YIPF7: variants seen among roughly 807,000 people sequenced by gnomAD.
YIPF7 encodes the protein protein YIPF7.
Under a neutral mutation model 27.2 loss-of-function variants are expected in YIPF7, and 35 were observed. The ratio of observed to expected loss-of-function variants is 1.29; its 90% CI spans 0.98 to 1.70. YIPF7 has a LOEUF of 1.70. Among genes scored for constraint, YIPF7 ranks in the 40% most tolerant of loss-of-function variants. The probability of loss-of-function intolerance (pLI) is 0.00; values close to 1 mark genes in which losing one functional copy is unlikely to be tolerated. For synonymous variants in YIPF7, 137 were observed against 110.4 expected (o/e 1.24, Z -1.51); for missense variants, 358 against 303.7 (o/e 1.18, Z -1.33).
chr4:44,633,192 C>T (rs567421313), intron 3 of YIPF7, among the ~76,000 whole-genome samples: 10 of 152,274 alleles, frequency 6.6e-5, no homozygotes, highest in Admixed American at 5.2e-4. Context: ...TTGTCTTCCA[C>T]AAAACTGTTC....
At chr4:44,649,934 A>C (rs1249034301) in intron 2 of YIPF7, 51 bp downstream of exon 2, 1 of 943,974 alleles carries the variant, frequency 1.1e-6, no homozygotes, top group Non-Finnish European at 1.6e-6. Context: ...TATGTGGGTG[A>C]CAGAGTGAGA....
At chr4:44,631,605 T>A (rs561749780) in intron 3 of YIPF7, among the ~76,000 whole-genome samples, 24 of 152,248 alleles carry the variant, frequency 1.6e-4, no homozygotes, top group Admixed American at 1.2e-3. Context: ...TGAAAAAAAA[T>A]TGAATGTAAA....
chr4:44,638,949 C>A (rs1017758860), intron 2 of YIPF7, among the ~76,000 whole-genome samples: 1 of 152,112 alleles, frequency 6.6e-6, no homozygotes, highest in African/African-American at 2.4e-5. Flanking sequence ...AAAAGAGTGT[C>A]CTTTTTCCAA....
chr4:44,636,172 T>G (rs1313391803), intron 2 of YIPF7, 87 bp from the exon 3 acceptor site: 2 of 1,362,940 alleles, frequency 1.5e-6, no homozygotes, highest in Non-Finnish European at 2.0e-6. Flanking sequence ...CTTACATGAA[T>G]TCATGTAGTT....
chr4:44,655,581 C>T (rs1353824291), upstream of YIPF7, among the ~76,000 whole-genome samples: 1 of 151,982 alleles, frequency 6.6e-6, no homozygotes, highest in Non-Finnish European at 1.5e-5. Context: ...TTATTTTCTA[C>T]CTCTGCTGAC....
chr4:44,623,474 T>A (rs924513938), intron 5 of YIPF7, among the ~76,000 whole-genome samples: 2 of 152,192 alleles, frequency 1.3e-5, no homozygotes, highest in African/African-American at 4.8e-5. Context: ...CTGCCTTACT[T>A]GATCTTGGTT....
At chr4:44,651,055 T>G (rs1190161976) in intron 1 of YIPF7, among the ~76,000 whole-genome samples, 1 of 152,248 alleles carries the variant, frequency 6.6e-6, no homozygotes, top group Admixed American at 6.5e-5. Flanking sequence ...GTAATCCATA[T>G]GCTTATAATA....
At chr4:44,637,574 C>T (rs1236988570) in intron 2 of YIPF7, among the ~76,000 whole-genome samples, 1 of 152,026 alleles carries the variant, frequency 6.6e-6, no homozygotes, top group Non-Finnish European at 1.5e-5. Flanking sequence ...ATATTCTTGC[C>T]CACTTTTTTC....
At chr4:44,660,688 A>C (rs1714024514) in intron 1 of YIPF7, 2 of 149,030 alleles carry the variant, frequency 1.3e-5, no homozygotes, top group Non-Finnish European at 3.0e-5. Flanking sequence ...GTGATATAGC[A>C]GTAAATAACT....
At chr4:44,631,105 A>G (rs1447092068) in intron 3 of YIPF7, among the ~76,000 whole-genome samples, 1 of 152,206 alleles carries the variant, frequency 6.6e-6, no homozygotes, top group Non-Finnish European at 1.5e-5. Context: ...CAGATATATA[A>G]GGCTTTGACA....
intron 5 of YIPF7, among the ~76,000 whole-genome samples, chr4:44,624,239 T>A (rs1166725913): frequency 4.6e-5 from 7 of 151,844 alleles, no homozygotes; most frequent in Admixed American, 4.6e-4. Context: ...TAATTTTGTA[T>A]TTTTAGTAGA....
chr4:44,634,260 C>T (rs1713026289), intron 3 of YIPF7, among the ~76,000 whole-genome samples: 1 of 152,184 alleles, frequency 6.6e-6, no homozygotes, highest in African/African-American at 2.4e-5. Flanking sequence ...AGGCTGGGCA[C>T]AGTGGCTCAT....
intron 4 of YIPF7, among the ~76,000 whole-genome samples, chr4:44,626,673 G>C (rs1712651648): frequency 1.3e-5 from 2 of 149,580 alleles, no homozygotes; most frequent in Non-Finnish European, 3.0e-5. Flanking sequence ...ATTCTAACAA[G>C]GGCTTATAAT....
intron 4 of YIPF7, among the ~76,000 whole-genome samples, chr4:44,626,523 A>C (rs750468727): frequency 1.3e-5 from 2 of 152,124 alleles, no homozygotes; most frequent in Non-Finnish European, 2.9e-5. Flanking sequence ...GGAGTAGATG[A>C]AGCTAATTTG....
intron 4 of YIPF7, 105 bp from the exon 5 acceptor site, chr4:44,624,887 C>A: frequency 1.9e-6 from 2 of 1,070,868 alleles, no homozygotes; most frequent in Non-Finnish European, 1.3e-6. Flanking sequence ...CAGTGCTGTT[C>A]CATGTCTTTG....
chr4:44,636,695 G>A (rs537159728), intron 2 of YIPF7, among the ~76,000 whole-genome samples: 54 of 152,226 alleles, frequency 3.5e-4, no homozygotes, highest in South Asian at 1.5e-3. Context: ...GACAGTCATT[G>A]CCAGTAGAAT....
intron 3 of YIPF7, among the ~76,000 whole-genome samples, chr4:44,633,218 G>T (rs1257628246): frequency 4.6e-5 from 7 of 152,180 alleles, no homozygotes; most frequent in Non-Finnish European, 8.8e-5. Flanking sequence ...TGCCAAAAAG[G>T]TTGGGGACTG....
intron 2 of YIPF7, among the ~76,000 whole-genome samples, chr4:44,657,409 A>C (rs1713928370): frequency 6.6e-6 from 1 of 152,186 alleles, no homozygotes; most frequent in African/African-American, 2.4e-5. Context: ...TAATGTTTTA[A>C]ATACAATTGA....
chr4:44,659,361 T>TA (rs1309736538), intron 2 of YIPF7, among the ~76,000 whole-genome samples: 1 of 151,992 alleles, frequency 6.6e-6, no homozygotes, highest in Non-Finnish European at 1.5e-5. Context: ...GGAAGCACTG[T>TA]AAAAAATCTA....
Sources: allele counts gnomAD v4.1 joint callset (sites outside exome capture counted in the v4.1 genomes callset), GRCh38; gene constraint gnomAD v4.1.1; transcripts MANE v1.5; gene names NCBI Gene and HGNC (gene_info 2026-07-23, HGNC 2026-07-21).